GSN: variants seen among roughly 807,000 people sequenced by gnomAD.
GSN encodes actin-depolymerizing factor.
In GSN, 56 loss-of-function variants were observed where a neutral mutation model predicts 85.7. The ratio of observed to expected loss-of-function variants is 0.65; its 90% confidence interval spans 0.53 to 0.82. GSN has a LOEUF of 0.82. Among genes scored for constraint, GSN ranks in the 40% least tolerant of loss-of-function variants. The probability of loss-of-function intolerance (pLI) is 0.00; values close to 1 mark genes in which losing one functional copy is unlikely to be tolerated. For synonymous variants in GSN, 373 were observed against 399.1 expected (o/e 0.93, Z 0.78); for missense variants, 857 against 979.8 (o/e 0.87, Z 1.67).
At chr9:121,290,320 T>G (rs2058565792) in intron 2 of GSN, among the ~76,000 whole-genome samples, 1 of 152,178 alleles carries the variant, frequency 6.6e-6, no homozygotes, top group Non-Finnish European at 1.5e-5. Context: ...GTTTAAATCT[T>G]CCGGCTGGCT....
At chr9:121,315,053 G>A (rs1380460739) in intron 7 of GSN, among the ~76,000 whole-genome samples, 1 of 152,108 alleles carries the variant, frequency 6.6e-6, no homozygotes, top group Non-Finnish European at 1.5e-5. Flanking sequence ...TAGAGACGAG[G>A]TTTTGCCATG....
At chr9:121,289,936 C>T (rs765031949) in intron 2 of GSN, among the ~76,000 whole-genome samples, 5 of 152,116 alleles carry the variant, frequency 3.3e-5, no homozygotes, top group Non-Finnish European at 7.3e-5. Context: ...AGGCCCAGTG[C>T]AGAGAGAGTT....
intron 2 of GSN, among the ~76,000 whole-genome samples, chr9:121,291,482 G>C (rs1039923218): frequency 7.0e-6 from 1 of 142,364 alleles, no homozygotes; most frequent in African/African-American, 2.6e-5. Context: ...GCAGTGGCGC[G>C]ATCTCGGCTC....
In GSN at chr9:121,310,797, C is replaced by T. The variant is rs1394925395; in HGVS notation, c.465C>T (p.Ser155=). ...TCCGTGCCACCGAGGTACCTGTGTC[C>T]TGGGAGAGCTTCAACAATGGCGACT... ...RVVRATEVPV[S]WESFNNGDCF... is the part of the protein sequence containing the mutation. Residue 155 remains serine, a synonymous_variant, in exon 5 of 18, where the codon TCC becomes TCT. Transcript: ENST00000432226. 1.2e-6 allele frequency: 2 copies of T among 1,614,104 alleles called. No homozygotes were observed. Among genetic ancestry groups the T allele is most frequent in the Admixed American group, 1.7e-5 (1 of 60,006 alleles).
Position 121,329,018 on chromosome 9 carries a change from G to A in GSN, c.1887+3G>A. On this transcript the variant is annotated splice_donor_region_variant and intron_variant, in intron 15 of 17. Coordinates refer to ENST00000432226, the MANE Select transcript of GSN (RefSeq NM_198252.3). This position sits in a 1 kb window ranked among gnomAD's most constrained non-coding sequence, Gnocchi z 4.6. ...CCAACAAGATTGGACGTTTTGTGGT[G>A]AGCCCCTGCGGAGGTCACACCTCTG... is the stretch of plus-strand genomic sequence containing the variant. The A allele has an allele frequency of 6.2e-7, 1 of 1,613,542 alleles. No homozygotes were observed. Among genetic ancestry groups the A allele is most frequent in the Non-Finnish European group, 8.5e-7 (1 of 1,179,980 alleles).
At chr9:121,302,288 C>T (rs902348287) in intron 3 of GSN, 121 bp downstream of exon 3, 58 of 1,143,066 alleles carry the variant, frequency 5.1e-5, no homozygotes, top group Non-Finnish European at 1.9e-5. Flanking sequence ...GGGCCCTTGA[C>T]TGGTGGTTCA....
chr9:121,278,924 G>A (rs992329435), intron 1 of GSN, among the ~76,000 whole-genome samples: 1 of 152,186 alleles, frequency 6.6e-6, no homozygotes. Context: ...ACTCTTTGCC[G>A]GCTCTGTGAA....
At chr9:121,267,282 A>G (rs925733571), upstream of GSN, among the ~76,000 whole-genome samples, 5 of 152,222 alleles carry the variant, frequency 3.3e-5, no homozygotes, top group African/African-American at 1.2e-4. Flanking sequence ...TGTTGAAATC[A>G]ACAAAGTATT....
rs34623899 is a variant in GSN, at chr9:121,250,872, GGTGTGTGTGTGTGTGTGT to G, written c.-341+2571_-341+2588del. 4.4e-5 allele frequency among the ~76,000 whole-genome samples: 6 copies of G among 135,018 alleles called. No homozygotes were observed. In the East Asian group the frequency reaches 6.8e-4, roughly 15 times the overall value. 88.6% of individuals were successfully genotyped at this position (135,018 alleles called of 152,430 possible). On this transcript the variant is annotated intron_variant, in intron 6 of 24. Coordinates refer to the GSN transcript ENST00000373823. ...TTTTTTGCTTATCATGCCTGCTTGG[GGTGTGTGTGTGTGTGTGT>G]GTGTGTGTGTGTGTGTGTGTGCTTT...
At chr9:121,217,563 T>G (rs1287434400) in intron 4 of GSN, among the ~76,000 whole-genome samples, 1 of 151,812 alleles carries the variant, frequency 6.6e-6, no homozygotes, top group Non-Finnish European at 1.5e-5. Context: ...TAATCTCCTT[T>G]TCTTATAAAG....
In GSN at chr9:121,302,248, G is replaced by A; in HGVS notation, c.196+81G>A. On this transcript the variant is annotated intron_variant, in intron 3 of 17. Transcript: ENST00000432226. ...CTTTGGGGCATGGTCCCCAGGGAGG[G>A]AACTGATTATTGAGCACCTAGTATG... 1.2e-5 allele frequency: 18 copies of A among 1,477,496 alleles called. No homozygotes were observed. In the South Asian group the frequency reaches 1.6e-4, roughly 13 times the overall value. 91.5% of individuals were successfully genotyped at this position (1,477,496 alleles called of 1,614,324 possible).
At chr9:121,252,951 A>G (rs2054871018) in intron 6 of GSN, among the ~76,000 whole-genome samples, 1 of 152,178 alleles carries the variant, frequency 6.6e-6, no homozygotes, top group South Asian at 2.1e-4. Context: ...CTTATAAACA[A>G]AAGACATTTA....
intron 4 of GSN, chr9:121,309,484 C>T (rs1050931911): frequency 1.3e-5 from 2 of 152,144 alleles, no homozygotes; most frequent in African/African-American, 4.8e-5. Context: ...TGTCCCTTAC[C>T]CATAGCTGCT....
chr9:121,280,610 G>T (rs1372887175), intron 1 of GSN, among the ~76,000 whole-genome samples: 1 of 152,180 alleles, frequency 6.6e-6, no homozygotes, highest in African/African-American at 2.4e-5. Context: ...ACAATTTGCA[G>T]GCAAAAGACT....
In GSN at chr9:121,215,857, A is replaced by G. The variant is rs2054054518; in HGVS notation, c.-528+4990A>G. On this transcript the variant is annotated intron_variant, in intron 4 of 24. Coordinates refer to the GSN transcript ENST00000373823. ...ATATTACAAGCCATATATTTCAAGTATCATATAAATTATAATTATACCTAT... is the reference window on the plus strand; with the variant it reads ...ATATTACAAGCCATATATTTCAAGTGTCATATAAATTATAATTATACCTAT... Among the ~76,000 whole-genome samples the G allele has an allele frequency of 2.0e-5, 3 of 152,168 alleles. 1 individual carries two copies. The South Asian group carries it at 6.2e-4, about 32-fold the overall frequency.
intron 6 of GSN, among the ~76,000 whole-genome samples, chr9:121,249,307 T>A (rs111703818): frequency 0.035 from 5,310 of 150,808 alleles, 301 homozygotes; most frequent in African/African-American, 0.12. Context: ...AAAAAAAAAA[T>A]TTTTTTTTAA....
chr9:121,243,325 C>T (rs991300932), intron 5 of GSN, among the ~76,000 whole-genome samples: 9 of 152,202 alleles, frequency 5.9e-5, no homozygotes, highest in African/African-American at 9.7e-5. Flanking sequence ...AGGAAACTTA[C>T]GATTACATTT....
intron 4 of GSN, chr9:121,222,262 TAGAA>T (rs1327238293): frequency 1.3e-5 from 2 of 152,164 alleles, no homozygotes; most frequent in Non-Finnish European, 2.9e-5. Context: ...CTCTAAGAAA[TAGAA>T]AGACAAACAT....
Position 121,332,794 on chromosome 9 carries a change from A to C in GSN, c.*191A>C. Reference sequence around the variant, plus strand: ...TCAGAGTCCTTGCAAAATTGTCTAAAATGTCAGTGTTTGGGAAATTAAATC... The same window carrying C: ...TCAGAGTCCTTGCAAAATTGTCTAACATGTCAGTGTTTGGGAAATTAAATC... On this transcript the variant is annotated 3_prime_UTR_variant, in exon 18 of 18. Coordinates refer to ENST00000432226, the MANE Select transcript of GSN (RefSeq NM_198252.3). This position sits in a 1 kb window ranked among gnomAD's most constrained non-coding sequence, Gnocchi z 4.8. The C allele has an allele frequency of 1.7e-6, 1 of 589,504 alleles. No homozygotes were observed. The highest frequency in any genetic ancestry group is 2.1e-5 in the South Asian group (1 of 47,594). 36.5% of individuals were successfully genotyped at this position (589,504 alleles called of 1,614,324 possible). A position where few individuals can be genotyped will look rare whatever the true frequency, so the allele number is the denominator to read the frequency against.
Sources: allele counts gnomAD v4.1 joint callset (sites outside exome capture counted in the v4.1 genomes callset), GRCh38; gene constraint gnomAD v4.1.1; non-coding constraint Gnocchi (gnomAD v3.1); transcripts MANE v1.5; gene names NCBI Gene and HGNC (gene_info 2026-07-23, HGNC 2026-07-21).